The following SLC35F1 variants were observed in gnomAD, a reference collection of about 807,000 sequenced individuals.
SLC35F1 encodes the protein chromosome 6 open reading frame 169.
SLC35F1 carries 14 observed loss-of-function variants against 48.7 expected under a neutral mutation model. That is an observed-to-expected ratio of 0.29 (90% CI 0.19 to 0.45). The LOEUF (loss-of-function observed/expected upper bound fraction) is 0.45. Among genes scored for constraint, SLC35F1 ranks in the 20% least tolerant of loss-of-function variants. The pLI is 1.00. For missense variants in SLC35F1, 404 were observed against 500.0 expected (o/e 0.81, Z 1.83); for synonymous variants, 190 against 202.2 (o/e 0.94, Z 0.51).
intron 1 of SLC35F1, among the ~76,000 whole-genome samples, chr6:117,920,033 A>T (rs1362548315): frequency 1.3e-5 from 2 of 152,216 alleles, no homozygotes; most frequent in African/African-American, 4.8e-5. Context: ...TGTGCTAATG[A>T]GGGGAAGCCC....
chr6:118,175,705 G>A (rs764041315), intron 2 of SLC35F1, among the ~76,000 whole-genome samples: 9 of 151,990 alleles, frequency 5.9e-5, no homozygotes, highest in Non-Finnish European at 1.2e-4. Context: ...AATATGGCTG[G>A]CAATTTTAAA....
intron 2 of SLC35F1, among the ~76,000 whole-genome samples, chr6:118,155,805 G>C (rs529068172): frequency 2.7e-4 from 41 of 152,216 alleles, no homozygotes; most frequent in African/African-American, 9.6e-4. Context: ...ATTAATAATA[G>C]ATAAGGACAC....
At chr6:118,096,942 C>T (rs1038018999) in intron 1 of SLC35F1, among the ~76,000 whole-genome samples, 2 of 152,156 alleles carry the variant, frequency 1.3e-5, no homozygotes, top group African/African-American at 4.8e-5. Flanking sequence ...AGTTCCATCT[C>T]TTTAGTATTT....
intron 3 of SLC35F1, among the ~76,000 whole-genome samples, chr6:118,253,515 A>C (rs887563893): frequency 2.2e-4 from 33 of 152,106 alleles, no homozygotes; most frequent in Non-Finnish European, 3.2e-4. Flanking sequence ...AAAGGAAGTA[A>C]GAGGTGGGGT....
rs566322434 is a variant in SLC35F1, at chr6:118,167,041, G to A, written c.349+12421G>A. 4.0e-5 allele frequency among the ~76,000 whole-genome samples: 6 copies of A among 151,852 alleles called. No individual in the cohort carries two copies. The South Asian group carries it at 6.2e-4, about 16-fold the overall frequency. Reference sequence around the variant, plus strand: ...TATTTCTTTCTTCATGAATTCACTCGTTCATTACTTCATTCACTATTCATT... The same window carrying A: ...TATTTCTTTCTTCATGAATTCACTCATTCATTACTTCATTCACTATTCATT... On this transcript the variant is annotated intron_variant, in intron 2 of 7. Coordinates refer to ENST00000360388, the MANE Select transcript of SLC35F1 (RefSeq NM_001029858.4).
intron 2 of SLC35F1, among the ~76,000 whole-genome samples, chr6:118,162,528 G>T (rs1422859232): frequency 6.6e-6 from 1 of 152,106 alleles, no homozygotes; most frequent in Non-Finnish European, 1.5e-5. Flanking sequence ...TTGTATCTAA[G>T]TTGTACTTCA....
At chr6:117,947,725 G>C (rs1037385553) in intron 1 of SLC35F1, among the ~76,000 whole-genome samples, 1 of 152,132 alleles carries the variant, frequency 6.6e-6, no homozygotes, top group Non-Finnish European at 1.5e-5. Flanking sequence ...GAGCAGGTGT[G>C]GGGGAGGACC....
At chr6:117,986,585 G>A (rs996943620) in intron 1 of SLC35F1, among the ~76,000 whole-genome samples, 3 of 152,136 alleles carry the variant, frequency 2.0e-5, no homozygotes, top group Non-Finnish European at 2.9e-5. Flanking sequence ...GCCCTGTTCC[G>A]GATCACCTCT....
At chr6:117,971,639 C>T (rs1402749426) in intron 1 of SLC35F1, among the ~76,000 whole-genome samples, 1 of 151,862 alleles carries the variant, frequency 6.6e-6, no homozygotes, top group Non-Finnish European at 1.5e-5. Flanking sequence ...AGTGAAGGTT[C>T]CCAAACCTCA....
At chr6:118,047,537 T>C (rs1404657855) in intron 1 of SLC35F1, among the ~76,000 whole-genome samples, 1 of 152,178 alleles carries the variant, frequency 6.6e-6, no homozygotes, top group Non-Finnish European at 1.5e-5. Flanking sequence ...TCTTAAAACA[T>C]TTCTTCCAAG....
At chr6:118,130,519 GT>G (rs1192059859) in intron 1 of SLC35F1, among the ~76,000 whole-genome samples, 2 of 151,900 alleles carry the variant, frequency 1.3e-5, no homozygotes, top group African/African-American at 4.8e-5. Flanking sequence ...AAAAAAACTG[GT>G]TTACTGAAAA....
intron 1 of SLC35F1, among the ~76,000 whole-genome samples, chr6:118,112,736 A>G (rs1355594301): frequency 6.6e-6 from 1 of 152,212 alleles, no homozygotes; most frequent in Non-Finnish European, 1.5e-5. Flanking sequence ...ATATACTAAG[A>G]GAGGAGAGGA....
chr6:118,049,888 T>A (rs1454182207), intron 1 of SLC35F1, among the ~76,000 whole-genome samples: 3 of 152,160 alleles, frequency 2.0e-5, no homozygotes, highest in Admixed American at 2.0e-4. Context: ...GGATTATAAA[T>A]CATGCTGCTA....
chr6:117,980,514 A>G (rs11970348), intron 1 of SLC35F1, among the ~76,000 whole-genome samples: 4,961 of 152,242 alleles, frequency 0.033, 273 homozygotes, highest in African/African-American at 0.11. Flanking sequence ...GATATAAGAT[A>G]AAGAGAAAAT....
At chr6:118,217,497 G>A (rs552876422) in intron 2 of SLC35F1, among the ~76,000 whole-genome samples, 5 of 152,080 alleles carry the variant, frequency 3.3e-5, no homozygotes, top group Non-Finnish European at 7.4e-5. Context: ...ATTGTTTAAT[G>A]GGTACAGAGT....
intron 1 of SLC35F1, among the ~76,000 whole-genome samples, chr6:117,940,645 C>CT (rs888354437): frequency 4.0e-5 from 6 of 150,918 alleles, no homozygotes; most frequent in African/African-American, 1.2e-4. Context: ...TTTCTCCTTT[C>CT]TTTTTTTTTG....
intron 1 of SLC35F1, among the ~76,000 whole-genome samples, chr6:117,919,186 A>G (rs1246123585): frequency 1.3e-5 from 2 of 152,272 alleles, no homozygotes; most frequent in African/African-American, 2.4e-5. Flanking sequence ...ATGAGCCATC[A>G]CACCTGGTGA....
intron 1 of SLC35F1, among the ~76,000 whole-genome samples, chr6:118,129,069 G>T (rs908890721): frequency 4.6e-5 from 7 of 152,124 alleles, no homozygotes; most frequent in African/African-American, 1.7e-4. Flanking sequence ...TGCTTGGAAG[G>T]CAAGATAAAG....
chr6:117,992,167 C>G (rs543657842), intron 1 of SLC35F1, among the ~76,000 whole-genome samples: 72 of 151,654 alleles, frequency 4.7e-4, no homozygotes, highest in African/African-American at 1.6e-3. Flanking sequence ...TTTTTCTTTC[C>G]TCTTTTCCAT....
Sources: allele counts gnomAD v4.1 joint callset (sites outside exome capture counted in the v4.1 genomes callset), GRCh38; gene constraint gnomAD v4.1.1; transcripts MANE v1.5; gene names NCBI Gene and HGNC (gene_info 2026-07-23, HGNC 2026-07-21).